Variants in TASOR observed in about 807,000 individuals in gnomAD.
TASOR encodes protein TASOR.
A neutral mutation model predicts 178.6 loss-of-function variants in TASOR; 53 were observed. That is an observed-to-expected ratio of 0.30 (90% CI 0.24 to 0.37). The LOEUF is 0.37. TASOR is among the 10% of genes least tolerant of loss of function. TASOR has a pLI of 1.00. For synonymous variants in TASOR, 713 were observed against 696.2 expected (o/e 1.02, Z -0.38); for missense variants, 1,815 against 1,971.4 (o/e 0.92, Z 1.50).
chr3:56,683,150 C>T lies in TASOR; in HGVS notation c.-144G>A, dbSNP rs2031956129. On this transcript the variant is annotated 5_prime_UTR_variant, in exon 1 of 24. Transcript: ENST00000683822. ...CCGTGGCCTCAGGCTGCGCTCCCGA[C>T]CTGGCAGCCTCTTGGGGGGCCCTGT... is the stretch of plus-strand genomic sequence containing the variant. 8 of 899,496 alleles carry T rather than the reference C, an allele frequency of 8.9e-6. No individual in the cohort carries two copies. Among genetic ancestry groups the T allele is most frequent in the Non-Finnish European group, 3.3e-6 (2 of 614,264 alleles). The allele number at this position is 899,496 out of a possible 1,614,324, so 55.7% of individuals were successfully genotyped here.
intron 6 of TASOR, among the ~76,000 whole-genome samples, chr3:56,666,911 C>G (rs915474019): frequency 6.6e-6 from 1 of 152,168 alleles, no homozygotes; most frequent in Non-Finnish European, 1.5e-5. Flanking sequence ...ACCTCTTCAC[C>G]ACATTCAGTA....
chr3:56,679,369 G>T (rs2031598157), intron 1 of TASOR, among the ~76,000 whole-genome samples: 1 of 152,156 alleles, frequency 6.6e-6, no homozygotes, highest in Admixed American at 6.5e-5. Flanking sequence ...ACGAAACAAA[G>T]TTTTTTGGAC....
Position 56,624,564 on chromosome 3 carries a change from A to T in TASOR, c.4398T>A (p.Phe1466Leu), listed in dbSNP as rs1419159085. 6.2e-7 allele frequency: 1 copy of T among 1,614,120 alleles called. No homozygotes were observed. Among genetic ancestry groups the T allele is most frequent in the Non-Finnish European group, 8.5e-7 (1 of 1,179,986 alleles). Reference sequence around the variant, plus strand: ...AATTGTGATAGCCCACAAGATTTTTAAAGTTTTGCATGAAGTCTTCAGCAG... The same window carrying T: ...AATTGTGATAGCCCACAAGATTTTTTAAGTTTTGCATGAAGTCTTCAGCAG... ...VATAEDFMQN[F>L]KNLVGYHNSI... The change falls in exon 23 of 24, where the codon TTT becomes TTA. Residue 1466 changes from phenylalanine to leucine, a missense_variant. Phe to Leu is a conservative substitution (Grantham distance 22). Coordinates refer to ENST00000683822, the MANE Select transcript of TASOR (RefSeq NM_001365635.2).
intron 1 of TASOR, among the ~76,000 whole-genome samples, chr3:56,680,048 G>GA (rs2031659040): frequency 6.6e-6 from 1 of 152,104 alleles, no homozygotes; most frequent in Admixed American, 6.6e-5. Context: ...TGAAGGGGGG[G>GA]AACAGTTTTT....
At chr3:56,649,497 T>C (rs756506344) in intron 11 of TASOR, among the ~76,000 whole-genome samples, 1 of 152,176 alleles carries the variant, frequency 6.6e-6, no homozygotes, top group Non-Finnish European at 1.5e-5. Context: ...GTTGCCATAA[T>C]CTAACTGCAC....
At chr3:56,657,327 GA>G (rs35444207) in intron 11 of TASOR, among the ~76,000 whole-genome samples, 7,611 of 88,250 alleles carry the variant, frequency 0.086, 210 homozygotes, top group South Asian at 0.15. Flanking sequence ...GCTCTGTCTC[GA>G]AAAAAAAAAA....
In TASOR at chr3:56,641,750, ACTCTG is replaced by A; in HGVS notation, c.2216-3_2217del. 1 of 1,589,108 alleles carries A rather than the reference ACTCTG, an allele frequency of 6.3e-7. No homozygotes were observed. The highest frequency in any genetic ancestry group is 8.6e-7 in the Non-Finnish European group (1 of 1,164,732). ...CCAAGTGAGCCAATAGGCTGTGGAG[ACTCTG>A]AGAAAAAGGAAGTCATTGGTTGAAG... On this transcript the variant is annotated splice_acceptor_variant and splice_polypyrimidine_tract_variant and coding_sequence_variant and intron_variant, in exon 15 of 24. Transcript: ENST00000683822. LOFTEE classifies it high-confidence loss of function.
At chr3:56,648,631 CAAAAAAAAAAAAAAAA>C (rs56218279) in intron 13 of TASOR, among the ~76,000 whole-genome samples, 175 bp downstream of exon 13, 13 of 84,554 alleles carry the variant, frequency 1.5e-4, no homozygotes, top group South Asian at 4.5e-4. Context: ...AACTCTGTAT[CAAAAAAAAAAAAAAAA>C]AAAAAAAAAA....
At chr3:56,642,280 G>C (rs184609649) in intron 14 of TASOR, among the ~76,000 whole-genome samples, 7 of 152,256 alleles carry the variant, frequency 4.6e-5, no homozygotes, top group Admixed American at 4.6e-4. Context: ...GTATTATAGA[G>C]ATAAAATCAC....
At chr3:56,671,531 T>A in intron 3 of TASOR, 69 bp downstream of exon 3, 1 of 1,161,570 alleles carries the variant, frequency 8.6e-7, no homozygotes. Flanking sequence ...TACTGTTGAA[T>A]AATCACAAAA....
rs765029706 is a variant in TASOR, at chr3:56,633,008, T to C, written c.3747+36A>G. On this transcript the variant is annotated intron_variant, in intron 18 of 23. Transcript: ENST00000683822. ...TAGAGGTCACACCAACAAGAGAAGT[T>C]TGTACAGCATTACTATTACCTTCTG... 6 of 1,462,106 alleles carry C rather than the reference T, an allele frequency of 4.1e-6. No individual in the cohort carries two copies. In the Admixed American group the frequency reaches 9.1e-5, roughly 22 times the overall value. The allele number at this position is 1,462,106 out of a possible 1,614,324, so 90.6% of individuals were successfully genotyped here. A position where few individuals can be genotyped will look rare whatever the true frequency, so the allele number is the denominator to read the frequency against.
intron 17 of TASOR, among the ~76,000 whole-genome samples, chr3:56,638,033 T>C (rs916043376): frequency 6.6e-6 from 1 of 152,140 alleles, no homozygotes; most frequent in Non-Finnish European, 1.5e-5. Context: ...ACCTAAAATA[T>C]AAATGGCTTA....
chr3:56,622,198 C>T lies in TASOR; in HGVS notation c.*839G>A, dbSNP rs2076699313. ...ACAAGTTAGTAATTAGTATTAGAGG[C>T]AGTAGTTAGGAATAGATACGGGTTT... On this transcript the variant is annotated 3_prime_UTR_variant, in exon 24 of 24. Transcript: ENST00000683822. The T allele has an allele frequency of 6.6e-6, 1 of 152,044 alleles. No individual in the cohort carries two copies. The allele number at this position is 152,044 out of a possible 1,614,324, so 9.4% of individuals were successfully genotyped here.
rs140638843 is a variant in TASOR, at chr3:56,622,188, G to C, written c.*849C>G. On this transcript the variant is annotated 3_prime_UTR_variant, in exon 24 of 24. Transcript: ENST00000683822. Reference sequence around the variant, plus strand: ...AGCATTAGTAACAAGTTAGTAATTAGTATTAGAGGCAGTAGTTAGGAATAG... The same window carrying C: ...AGCATTAGTAACAAGTTAGTAATTACTATTAGAGGCAGTAGTTAGGAATAG... 4 of 152,258 alleles carry C rather than the reference G, an allele frequency of 2.6e-5. No homozygotes were observed. Among genetic ancestry groups the C allele is most frequent in the Non-Finnish European group, 4.4e-5 (3 of 68,028 alleles). The allele number at this position is 152,258 out of a possible 1,614,324, so 9.4% of individuals were successfully genotyped here. A position where few individuals can be genotyped will look rare whatever the true frequency, so the allele number is the denominator to read the frequency against.
chr3:56,650,776 T>C (rs577407702), intron 11 of TASOR, among the ~76,000 whole-genome samples: 3 of 152,310 alleles, frequency 2.0e-5, no homozygotes, highest in African/African-American at 4.8e-5. Context: ...CTGCAAGATA[T>C]TTAACTGGGT....
At position 56,670,153 on chromosome 3, in the gene TASOR, T is replaced by TA. The variant is rs753253621; in HGVS notation, c.571-9dup. The TA allele has an allele frequency of 3.1e-4, 442 of 1,443,976 alleles. No individual in the cohort carries two copies. Among genetic ancestry groups the TA allele is most frequent in the South Asian group, 4.7e-4 (34 of 71,894 alleles). 89.4% of individuals were successfully genotyped at this position (1,443,976 alleles called of 1,614,324 possible). ...TTCACATATGGTTTGAACCTAAATT[T>TA]AAAAAAAAATACTTCATCTTGCAGT... On this transcript the variant is annotated splice_polypyrimidine_tract_variant and intron_variant, in intron 3 of 23. Coordinates refer to ENST00000683822, the MANE Select transcript of TASOR (RefSeq NM_001365635.2).
At chr3:56,626,058 C>T (rs73083725) in intron 21 of TASOR, among the ~76,000 whole-genome samples, 7,477 of 152,192 alleles carry the variant, frequency 0.049, 192 homozygotes, top group East Asian at 0.091. Context: ...CATGGAATGT[C>T]GTATTTTAAG....
chr3:56,675,727 G>C (rs1241126656), intron 1 of TASOR, among the ~76,000 whole-genome samples: 3 of 152,116 alleles, frequency 2.0e-5, no homozygotes, highest in African/African-American at 7.2e-5. Flanking sequence ...TAAGGGTCAA[G>C]AATGTAACAG....
Position 56,648,872 on chromosome 3 carries a change from C to T in TASOR, c.1463G>A (p.Arg488Gln), listed in dbSNP as rs996141613. Reference sequence around the variant, plus strand: ...AAATAGAAACAAAGCATGTAGGACTCGAGACTTGGCAGTCTGATATTCTAA... The same window carrying T: ...AAATAGAAACAAAGCATGTAGGACTTGAGACTTGGCAGTCTGATATTCTAA... ...PPYEYQTAKSRVLHALFLFQE... is the reference protein window; with the variant it reads ...PPYEYQTAKSQVLHALFLFQE... The change falls in exon 13 of 24, where the codon CGA becomes CAA. Residue 488 changes from arginine (R) to glutamine (Q), a missense_variant. By Grantham distance (43) the Arg-to-Gln change is conservative. Coordinates refer to ENST00000683822, the MANE Select transcript of TASOR (RefSeq NM_001365635.2). 2 of 1,611,674 alleles carry T rather than the reference C, an allele frequency of 1.2e-6. No homozygotes were observed. Among genetic ancestry groups the T allele is most frequent in the African/African-American group, 2.7e-5 (2 of 74,770 alleles).
Sources: allele counts gnomAD v4.1 joint callset (sites outside exome capture counted in the v4.1 genomes callset), GRCh38; gene constraint gnomAD v4.1.1; transcripts MANE v1.5; gene names NCBI Gene and HGNC (gene_info 2026-07-23, HGNC 2026-07-21).